TMEM67: variants seen among roughly 807,000 people sequenced by gnomAD.
TMEM67 encodes transmembrane protein 67, also known as meckelin.
In TMEM67, 124 loss-of-function variants were observed where a neutral mutation model predicts 136.6. The ratio of observed to expected loss-of-function variants is 0.91; its 90% CI spans 0.78 to 1.05. TMEM67 has a LOEUF of 1.05. Among genes scored for constraint, TMEM67 ranks in the 50% least tolerant of loss-of-function variants. The pLI, the probability that TMEM67 is intolerant of heterozygous loss-of-function variation, is 0.00. For synonymous variants in TMEM67, 364 were observed against 390.5 expected (o/e 0.93, Z 0.80); for missense variants, 1,107 against 1,178.4 (o/e 0.94, Z 0.89).
At chr8:93,765,123 G>A (rs902416439) in intron 4 of TMEM67, among the ~76,000 whole-genome samples, 5 of 152,024 alleles carry the variant, frequency 3.3e-5, no homozygotes, top group African/African-American at 7.2e-5. Flanking sequence ...CTTGTTAGTT[G>A]AGTGACTTAA....
Position 93,816,431 on chromosome 8 carries a change from G to A in TMEM67, c.2967G>A (p.Val989=). The A allele has an allele frequency of 6.3e-7, 1 of 1,594,442 alleles. No individual in the cohort carries two copies. The highest frequency in any genetic ancestry group is 8.6e-7 in the Non-Finnish European group (1 of 1,164,226). Residue 989 remains valine (V), a synonymous_variant, in exon 28 of 28, where the codon GTG becomes GTA. Transcript: ENST00000453321. ...AGAATTTGGCATCCAAAACATTGGT[G>A]GATCAAAGATTTTTGATTTAACTTC... ...GQKNLASKTL[V]DQRFLI
chr8:93,800,360 A>G (rs1814819366), intron 21 of TMEM67, among the ~76,000 whole-genome samples: 1 of 152,110 alleles, frequency 6.6e-6, no homozygotes, highest in African/African-American at 2.4e-5. Context: ...GAACTCATTG[A>G]GAGTAGAAAA....
chr8:93,802,388 A>G (rs938692132), intron 21 of TMEM67, among the ~76,000 whole-genome samples: 2 of 152,246 alleles, frequency 1.3e-5, no homozygotes, highest in African/African-American at 2.4e-5. Context: ...TCAGCTGGGC[A>G]GCAGTATATC....
rs185486248 is a variant in TMEM67, at chr8:93,766,851, A to G, written c.651+1205A>G. On this transcript the variant is annotated intron_variant, in intron 6 of 27. Coordinates refer to ENST00000453321, the MANE Select transcript of TMEM67 (RefSeq NM_153704.6). ...GACAACAAAATAAAAGCTAAAATAC[A>G]TAGGTAGCTCTGGGATTATCCCAAA... 2.8e-4 allele frequency among the ~76,000 whole-genome samples: 43 copies of G among 152,308 alleles called. 1 individual carries two copies. The East Asian group carries it at 7.5e-3, about 27-fold the overall frequency.
At chr8:93,804,220 C>A (rs1814997213) in intron 22 of TMEM67, among the ~76,000 whole-genome samples, 1 of 151,382 alleles carries the variant, frequency 6.6e-6, no homozygotes, top group Non-Finnish European at 1.5e-5. Flanking sequence ...ATTTCTTATG[C>A]TACCAAGTAG....
intron 26 of TMEM67, among the ~76,000 whole-genome samples, chr8:93,812,513 G>A (rs1167729106): frequency 1.3e-5 from 2 of 152,128 alleles, no homozygotes; most frequent in East Asian, 3.9e-4. Flanking sequence ...CAAAAATATT[G>A]TAGCTTTCAA....
At chr8:93,810,323 G>A (rs1377299837) in intron 26 of TMEM67, among the ~76,000 whole-genome samples, 1 of 147,876 alleles carries the variant, frequency 6.8e-6, no homozygotes, top group African/African-American at 2.5e-5. Flanking sequence ...GCTCATGCCT[G>A]TAATCCCAGC....
At chr8:93,829,439 T>C in the TMEM67 span, among the ~76,000 whole-genome samples, 2 of 151,576 alleles carry the variant, frequency 1.3e-5, no homozygotes, top group Non-Finnish European at 2.9e-5. Flanking sequence ...CCGTGTTCAC[T>C]TCCCAAGCAC....
intron 21 of TMEM67, among the ~76,000 whole-genome samples, chr8:93,801,959 C>A (rs943185018): frequency 6.6e-6 from 1 of 152,110 alleles, no homozygotes; most frequent in African/African-American, 2.4e-5. Context: ...GTACAATATA[C>A]CGATATATTT....
downstream of TMEM67, among the ~76,000 whole-genome samples, chr8:93,821,987 T>C (rs570253887): frequency 1.8e-4 from 27 of 151,866 alleles, no homozygotes; most frequent in African/African-American, 6.1e-4. Context: ...CTTTTGTAAA[T>C]TTATATGTGT....
At position 93,804,548 on chromosome 8, in the gene TMEM67, C is replaced by T. The variant is rs184312046; in HGVS notation, c.2323-214C>T. ...GTTGCCCAGACTTGTTTCTCCCTTT[C>T]TTGGAAAATATCTTCAATCTCTTTT... On this transcript the variant is annotated intron_variant, in intron 22 of 27. Coordinates refer to ENST00000453321, the MANE Select transcript of TMEM67 (RefSeq NM_153704.6). Among the ~76,000 whole-genome samples, 58 of 99,690 alleles carry T rather than the reference C, an allele frequency of 5.8e-4. No homozygotes were observed. The East Asian group carries it at 0.016, about 27-fold the overall frequency. The allele number at this position is 99,690 out of a possible 152,430, so 65.4% of individuals were successfully genotyped here.
At chr8:93,808,519 TATA>T (rs371482070) in intron 23 of TMEM67, among the ~76,000 whole-genome samples, 157 of 71,068 alleles carry the variant, frequency 2.2e-3, no homozygotes, top group Middle Eastern at 8.2e-3. Flanking sequence ...TATATATATT[TATA>T]ATCTATATAT....
At position 93,780,497 on chromosome 8, in the gene TMEM67, C is replaced by T; in HGVS notation, c.715-96C>T. ...ACCGGAGCTGTTCCTACTCGGCCAT[C>T]TTGGAACAGACCTGCACAAAGTAAA... is the stretch of plus-strand genomic sequence containing the variant. On this transcript the variant is annotated intron_variant, in intron 7 of 27. Transcript: ENST00000453321. 3 of 1,413,702 alleles carry T rather than the reference C, an allele frequency of 2.1e-6. No homozygotes were observed. In the South Asian group the frequency reaches 3.5e-5, roughly 16 times the overall value. 87.6% of individuals were successfully genotyped at this position (1,413,702 alleles called of 1,614,324 possible). A position where few individuals can be genotyped will look rare whatever the true frequency, so the allele number is the denominator to read the frequency against.
chr8:93,795,859 A>G lies in TMEM67; in HGVS notation c.1774-42A>G, dbSNP rs776964029. The G allele has an allele frequency of 5.3e-5, 75 of 1,415,422 alleles. No homozygotes were observed. The Middle Eastern group carries it at 5.4e-4, about 10-fold the overall frequency. 87.7% of individuals were successfully genotyped at this position (1,415,422 alleles called of 1,614,324 possible). On this transcript the variant is annotated intron_variant, in intron 17 of 27. Transcript: ENST00000453321. ...AAAAAACAAACAAACAAACAAAAAA[A>G]ACTGTGTGTGATAATATTTAATCAA...
At position 93,765,495 on chromosome 8, in the gene TMEM67, T is replaced by A; in HGVS notation, c.576+20T>A. The A allele has an allele frequency of 3.1e-6, 5 of 1,607,654 alleles. No individual in the cohort carries two copies. Among genetic ancestry groups the A allele is most frequent in the Non-Finnish European group, 4.3e-6 (5 of 1,174,922 alleles). On this transcript the variant is annotated intron_variant, in intron 5 of 27. Transcript: ENST00000453321. ...ATTTTAGTAAGGCTAACCAAATTGA[T>A]AAAGTATATATATTTTTAATTCAGT... is the stretch of plus-strand genomic sequence containing the variant.
At chr8:93,811,876 G>A (rs1808716720) in intron 26 of TMEM67, among the ~76,000 whole-genome samples, 1 of 151,746 alleles carries the variant, frequency 6.6e-6, no homozygotes, top group Non-Finnish European at 1.5e-5. Flanking sequence ...GGGGCCAGGT[G>A]CGGTGGCTCA....
chr8:93,793,268 G>A lies in TMEM67; in HGVS notation c.1646G>A (p.Arg549His), dbSNP rs768457119. 20 of 1,613,854 alleles carry A rather than the reference G, an allele frequency of 1.2e-5. No individual in the cohort carries two copies. The highest frequency in any genetic ancestry group is 1.1e-5 in the Non-Finnish European group (13 of 1,179,846). ...SLLKTAGWKRRIGSPMIDLQT... is the reference protein window; with the variant it reads ...SLLKTAGWKRHIGSPMIDLQT... Reference sequence around the variant, plus strand: ...TTGAAGACAGCAGGATGGAAGAGGCGCATTGGGAGTCCCATGATTGATTTA... The same window carrying A: ...TTGAAGACAGCAGGATGGAAGAGGCACATTGGGAGTCCCATGATTGATTTA... The change falls in exon 16 of 28, where the codon CGC becomes CAC. Residue 549 changes from arginine to histidine, a missense_variant. Around this residue, in one of 3 missense-constraint regions of TMEM67, gnomAD observed 925 missense variants for 1,002.4 expected, o/e 0.92. Transcript: ENST00000453321.
intron 4 of TMEM67, among the ~76,000 whole-genome samples, chr8:93,764,905 T>G (rs1032195765): frequency 6.6e-6 from 1 of 152,178 alleles, no homozygotes; most frequent in African/African-American, 2.4e-5. Context: ...CATTCATTAA[T>G]GAAAAATATG....
intron 16 of TMEM67, chr8:93,795,129 C>T: frequency 2.0e-6 from 1 of 495,062 alleles, no homozygotes; most frequent in East Asian, 3.7e-5. Context: ...GGAGGATTCC[C>T]AACTAAGAGA....
Sources: allele counts gnomAD v4.1 joint callset (sites outside exome capture counted in the v4.1 genomes callset), GRCh38; gene constraint gnomAD v4.1.1; regional missense constraint gnomAD v4.1.1; transcripts MANE v1.5; gene names NCBI Gene and HGNC (gene_info 2026-07-23, HGNC 2026-07-21).